Variants in BCO1 observed in about 807,000 individuals in gnomAD.
BCO1 encodes the protein beta,beta-carotene 15,15'-dioxygenase.
A neutral mutation model predicts 56.3 loss-of-function variants in BCO1; 54 were observed. The ratio of observed to expected loss-of-function variants is 0.96; its 90% CI spans 0.77 to 1.20. The LOEUF (loss-of-function observed/expected upper bound fraction) is 1.20, where lower values mean the gene tolerates loss of function less well. Among genes scored for constraint, BCO1 ranks in the 50% most tolerant of loss-of-function variants. The pLI is 0.00. For synonymous variants in BCO1, 318 were observed against 266.1 expected, an observed-to-expected ratio of 1.20 and a Z score of -1.90; for missense variants, 801 against 690.9, an observed-to-expected ratio of 1.16 and a Z score of -1.79.
chr16:81,286,063 A>G (rs1427491680), intron 9 of BCO1, among the ~76,000 whole-genome samples: 1 of 149,478 alleles, frequency 6.7e-6, no homozygotes, highest in Non-Finnish European at 1.5e-5. Context: ...TAAAAAAAAA[A>G]TACAGAAAGA....
chr16:81,251,872 A>ATGTGTGTGTG (rs773100922), intron 2 of BCO1, among the ~76,000 whole-genome samples: 3 of 117,308 alleles, frequency 2.6e-5, no homozygotes, highest in African/African-American at 1.3e-4. Context: ...ACACACACAT[A>ATGTGTGTGTG]TATGTGTGTG....
At chr16:81,254,002 C>A (rs187652496) in intron 2 of BCO1, among the ~76,000 whole-genome samples, 3 of 152,122 alleles carry the variant, frequency 2.0e-5, no homozygotes, top group Admixed American at 6.6e-5. Context: ...CTTATTCACA[C>A]AGTAACCACC....
At chr16:81,281,542 A>T (rs1194484747) in intron 8 of BCO1, among the ~76,000 whole-genome samples, 3 of 152,236 alleles carry the variant, frequency 2.0e-5, no homozygotes, top group African/African-American at 7.2e-5. Flanking sequence ...CTTACTGAAC[A>T]GGCACAATAC....
chr16:81,252,402 C>T lies in BCO1; in HGVS notation c.193+6799C>T, dbSNP rs572820292. ...TCCCGAGTGGCTGGGATTACAGACA[C>T]CCGGCACCATGCCCAGCTAATTTTT... On this transcript the variant is annotated intron_variant, in intron 2 of 10. Coordinates refer to ENST00000258168, the MANE Select transcript of BCO1 (RefSeq NM_017429.3). Among the ~76,000 whole-genome samples, 8 of 152,138 alleles carry T rather than the reference C, an allele frequency of 5.3e-5. No individual in the cohort carries two copies. In the East Asian group the frequency reaches 1.4e-3, roughly 26 times the overall value.
At chr16:81,256,751 G>C (rs535121777) in intron 2 of BCO1, among the ~76,000 whole-genome samples, 6 of 152,114 alleles carry the variant, frequency 3.9e-5, no homozygotes, top group African/African-American at 9.7e-5. Context: ...AGTCGGACAT[G>C]GTGGCACATG....
At chr16:81,241,207 A>G (rs1388655654) in intron 1 of BCO1, among the ~76,000 whole-genome samples, 2 of 151,764 alleles carry the variant, frequency 1.3e-5, no homozygotes, top group Admixed American at 6.6e-5. Flanking sequence ...CCAGCTCCTC[A>G]GGAGACTGGG....
chr16:81,258,989 G>A (rs549599991), intron 2 of BCO1, among the ~76,000 whole-genome samples: 8 of 152,032 alleles, frequency 5.3e-5, no homozygotes, highest in Non-Finnish European at 1.2e-4. Context: ...GATGTTGCAT[G>A]AACTAATAGA....
In BCO1 at chr16:81,262,377, T is replaced by C. The variant is rs1906543382; in HGVS notation, c.471+94T>C. 7 of 1,400,482 alleles carry C rather than the reference T, an allele frequency of 5.0e-6. No individual in the cohort carries two copies. The Admixed American group carries it at 8.6e-5, about 17-fold the overall frequency. The allele number at this position is 1,400,482 out of a possible 1,614,324, so 86.8% of individuals were successfully genotyped here. A position where few individuals can be genotyped will look rare whatever the true frequency, so the allele number is the denominator to read the frequency against. ...GAGGTTGCTCAGCCTGCAAGCAGCT[T>C]ACCAGGGGAGCCCCTCCTCTAACAC... is the stretch of plus-strand genomic sequence containing the variant. On this transcript the variant is annotated intron_variant, in intron 4 of 10. Transcript: ENST00000258168.
In BCO1 at chr16:81,239,068, G is replaced by C. The variant is rs1201816132; in HGVS notation, c.64+96G>C. The C allele has an allele frequency of 2.7e-6, 3 of 1,113,838 alleles. No individual in the cohort carries two copies. The African/African-American group carries it at 4.8e-5, about 18-fold the overall frequency. 69.0% of individuals were successfully genotyped at this position (1,113,838 alleles called of 1,614,324 possible). A position where few individuals can be genotyped will look rare whatever the true frequency, so the allele number is the denominator to read the frequency against. On this transcript the variant is annotated intron_variant, in intron 1 of 10. Coordinates refer to ENST00000258168, the MANE Select transcript of BCO1 (RefSeq NM_017429.3). ...GTCTCGCTCTGTCGCCCGGGCTGGA[G>C]TCCAGTGGCTTGATCTCGGCCCACT...
At chr16:81,279,280 A>G (rs1471897848) in intron 7 of BCO1, among the ~76,000 whole-genome samples, 2 of 152,186 alleles carry the variant, frequency 1.3e-5, no homozygotes, top group Admixed American at 6.5e-5. Flanking sequence ...CCCTGTCCCA[A>G]AATAAAATAG....
At chr16:81,282,381 C>CA (rs953210067) in intron 8 of BCO1, among the ~76,000 whole-genome samples, 1 of 151,820 alleles carries the variant, frequency 6.6e-6, no homozygotes, top group Non-Finnish European at 1.5e-5. Context: ...TGCCTCAAAA[C>CA]AAAAAACAAA....
rs865919930 is a variant in BCO1 at position 81,241,283 on chromosome 16, A to C, written c.64+2311A>C. Among the ~76,000 whole-genome samples the C allele has an allele frequency of 7.2e-4, 110 of 152,220 alleles. 1 individual carries two copies. Among genetic ancestry groups the C allele is most frequent in the African/African-American group, 2.5e-3 (105 of 41,552 alleles). Reference sequence around the variant, plus strand: ...AGCCAAGATCGCACCACTGTACTCCAGCCTGGGCAACAGAGTGAGACTCTG... The same window carrying C: ...AGCCAAGATCGCACCACTGTACTCCCGCCTGGGCAACAGAGTGAGACTCTG... On this transcript the variant is annotated intron_variant, in intron 1 of 10. Transcript: ENST00000258168.
At chr16:81,249,009 C>G (rs1297403777) in intron 2 of BCO1, among the ~76,000 whole-genome samples, 1 of 151,510 alleles carries the variant, frequency 6.6e-6, no homozygotes, top group Non-Finnish European at 1.5e-5. Context: ...GAGACTCCGT[C>G]TCAAGAAAAA....
intron 7 of BCO1, among the ~76,000 whole-genome samples, chr16:81,274,049 C>T (rs931840109): frequency 6.6e-6 from 1 of 152,128 alleles, no homozygotes; most frequent in African/African-American, 2.4e-5. Flanking sequence ...CAGTGCAGCC[C>T]CTCAGACTTT....
intron 2 of BCO1, among the ~76,000 whole-genome samples, chr16:81,253,002 A>T (rs1905905149): frequency 6.6e-6 from 1 of 152,122 alleles, no homozygotes; most frequent in African/African-American, 2.4e-5. Context: ...CCACCTACTC[A>T]GGATGCTGAG....
chr16:81,247,979 C>A (rs993154691), intron 2 of BCO1, among the ~76,000 whole-genome samples: 1 of 152,198 alleles, frequency 6.6e-6, no homozygotes, highest in Non-Finnish European at 1.5e-5. Flanking sequence ...CTGTCTCAGT[C>A]TCTTCTGTAA....
chr16:81,287,904 T>C (rs1167285080), intron 10 of BCO1, among the ~76,000 whole-genome samples: 3 of 152,160 alleles, frequency 2.0e-5, no homozygotes, highest in Non-Finnish European at 4.4e-5. Flanking sequence ...AGAGTTTTTA[T>C]TGGGACTCAG....
intron 2 of BCO1, among the ~76,000 whole-genome samples, chr16:81,259,302 T>C (rs1236560702): frequency 2.6e-5 from 4 of 152,040 alleles, no homozygotes; most frequent in Non-Finnish European, 4.4e-5. Flanking sequence ...AAGACTAGCC[T>C]GGCCAACGTG....
chr16:81,242,239 G>A lies in BCO1; in HGVS notation c.65-3236G>A, dbSNP rs112567656. On this transcript the variant is annotated intron_variant, in intron 1 of 10. Coordinates refer to ENST00000258168, the MANE Select transcript of BCO1 (RefSeq NM_017429.3). ...TTTTGAGGCGGAGTTTCACTCTGTC[G>A]CCCAGGCAAGAGTGCAATGGCGCAA... Among the ~76,000 whole-genome samples the A allele has an allele frequency of 8.5e-3, 1,074 of 126,470 alleles. 9 individuals are homozygous for A. Among genetic ancestry groups the A allele is most frequent in the African/African-American group, 0.03 (967 of 32,438 alleles). 83.0% of individuals were successfully genotyped at this position (126,470 alleles called of 152,430 possible). A position where few individuals can be genotyped will look rare whatever the true frequency, so the allele number is the denominator to read the frequency against.
Sources: allele counts gnomAD v4.1 joint callset (sites outside exome capture counted in the v4.1 genomes callset), GRCh38; gene constraint gnomAD v4.1.1; transcripts MANE v1.5; gene names NCBI Gene and HGNC (gene_info 2026-07-23, HGNC 2026-07-21).